Variants in MSL3 observed in about 807,000 individuals in gnomAD.
MSL3 encodes the protein MSL complex subunit 3, also known as MSL3-like 1.
In MSL3, 5 loss-of-function variants were observed where a neutral mutation model predicts 37.2. The ratio of observed to expected loss-of-function variants is 0.13; its 90% confidence interval spans 0.07 to 0.28. The LOEUF is 0.28. Ranked by LOEUF, MSL3 falls within the 10% of genes least tolerant of loss-of-function variation. The pLI is 1.00. For synonymous variants in MSL3, 149 were observed against 147.6 expected (o/e 1.01, Z -0.07); for missense variants, 315 against 408.5 (o/e 0.77, Z 1.97).
At chrX:11,772,107 A>G (rs1215541674) in intron 10 of MSL3, 49 bp from the exon 11 acceptor site, 1 of 896,625 alleles carries the variant, frequency 1.1e-6, no homozygotes, top group African/African-American at 2.0e-5. Context: ...GGTGGTTGGA[A>G]GTGTCTCCAT....
rs1355885560 is a variant in MSL3, at chrX:11,768,649, C to T, written c.1248C>T (p.Gly416=). The T allele has an allele frequency of 1.7e-6, 2 of 1,200,074 alleles. No homozygotes were observed. The highest frequency in any genetic ancestry group is 5.9e-5 in the East Asian group (2 of 33,808). The change falls in exon 10 of 13, where the codon GGC becomes GGT. Residue 416 remains glycine, a synonymous_variant. Transcript: ENST00000312196. ...AGGAAGGGAGTGCTGTGTTTGCTGG[C>T]TTTGAAGGGAGAAGAACTAATGAAA... is the stretch of plus-strand genomic sequence containing the variant. ...PSKEGSAVFA[G]FEGRRTNEIN...
chrX:11,762,403 C>T (rs1165742394), intron 6 of MSL3, 151 bp downstream of exon 6: 1 of 491,403 alleles, frequency 2.0e-6, no homozygotes, highest in African/African-American at 2.5e-5. Context: ...AGTTCTCTGC[C>T]AGTGGTGCTG....
rs2147243255 is a variant in MSL3, at chrX:11,760,997, G to A, written c.382+60G>A. 3 of 844,536 alleles carry A rather than the reference G, an allele frequency of 3.6e-6. No individual in the cohort carries two copies. The East Asian group carries it at 1.0e-4, about 29-fold the overall frequency. The allele number at this position is 844,536 out of a possible 1,213,427, so 69.6% of individuals were successfully genotyped here. A position where few individuals can be genotyped will look rare whatever the true frequency, so the allele number is the denominator to read the frequency against. On this transcript the variant is annotated intron_variant, in intron 4 of 12. Coordinates refer to ENST00000312196, the MANE Select transcript of MSL3 (RefSeq NM_078629.4). ...GAACTTCCACCTAGACTGAGAGAAGGATTCACTGAAATTCTAGACAGGGAA... is the reference window on the plus strand; with the variant it reads ...GAACTTCCACCTAGACTGAGAGAAGAATTCACTGAAATTCTAGACAGGGAA...
At chrX:11,758,915 C>T (rs2053100078) in intron 1 of MSL3, 1 of 539,167 alleles carries the variant, frequency 1.9e-6, no homozygotes, top group East Asian at 3.8e-5. Flanking sequence ...TTTCGTACCC[C>T]AGGGCCTTGC....
In MSL3 at chrX:11,772,635, A is replaced by G. The variant is rs2053241455; in HGVS notation, c.1396A>G (p.Ile466Val). The G allele has an allele frequency of 4.2e-6, 5 of 1,191,614 alleles. No individual in the cohort carries two copies. Among genetic ancestry groups the G allele is most frequent in the Non-Finnish European group, 5.7e-6 (5 of 880,650 alleles). Residue 466 changes from isoleucine to valine, a missense_variant, in exon 12 of 13, where the codon ATC (isoleucine) becomes GTC (valine). By Grantham distance (29) the Ile-to-Val change is conservative (BLOSUM62 3). Transcript: ENST00000312196. ...TTTTAATGCAGTGAAACTTCCAGAA[A>G]TCCTTGGAAAGATGTCCTTTTCTGA... The part of the protein sequence containing the change: ...LLRLFVKLPE[I>V]LGKMSFSEKN...
At position 11,768,195 on chromosome X, in the gene MSL3, C is replaced by T. The variant is rs188581648; in HGVS notation, c.1172-378C>T. On this transcript the variant is annotated intron_variant, in intron 9 of 12. Coordinates refer to ENST00000312196, the MANE Select transcript of MSL3 (RefSeq NM_078629.4). ...TTTCAGCACCCCCCCACGAGAAACC[C>T]CATACCCAGTAGCAATCACTCCCCA... The T allele has an allele frequency of 3.6e-3, 479 of 133,828 alleles. 3 individuals carry two copies. Among genetic ancestry groups the T allele is most frequent in the African/African-American group, 0.015 (461 of 30,976 alleles). The allele number at this position is 133,828 out of a possible 1,213,427, so 11.0% of individuals were successfully genotyped here. A position where few individuals can be genotyped will look rare whatever the true frequency, so the allele number is the denominator to read the frequency against.
chrX:11,758,399 G>A, intron 1 of MSL3, 34 bp downstream of exon 1: 2 of 1,029,614 alleles, frequency 1.9e-6, no homozygotes, highest in South Asian at 2.7e-5. Context: ...GGAGGCGCGG[G>A]CTGGGGGACC....
chrX:11,769,035 C>T (rs2053210180), intron 10 of MSL3: 1 of 135,411 alleles, frequency 7.4e-6, no homozygotes, highest in African/African-American at 3.2e-5. Flanking sequence ...CCAAAAGTAG[C>T]CACAGATAGT....
rs749478735 is a variant in MSL3, at chrX:11,772,164, C to A, written c.1290C>A (p.Ser430=). ...RRTNEINEVL[S]WKLVPDNYPP... ...ATTCGTGCTTTTTCCAGGTCCTCTCCTGGAAGCTTGTGCCTGACAATTACC... is the reference window on the plus strand; with the variant it reads ...ATTCGTGCTTTTTCCAGGTCCTCTCATGGAAGCTTGTGCCTGACAATTACC... The change falls in exon 11 of 13, where the codon TCC becomes TCA. Residue 430 remains serine, a synonymous_variant. Coordinates refer to ENST00000312196, the MANE Select transcript of MSL3 (RefSeq NM_078629.4). The A allele has an allele frequency of 1.9e-5, 23 of 1,207,554 alleles. No individual in the cohort carries two copies. The Admixed American group carries it at 5.0e-4, about 26-fold the overall frequency.
In MSL3 at chrX:11,775,259, G is replaced by T. The variant is rs921967121; in HGVS notation, c.*180G>T. 7 of 400,701 alleles carry T rather than the reference G, an allele frequency of 1.7e-5. No homozygotes were observed. Among genetic ancestry groups the T allele is most frequent in the Non-Finnish European group, 3.0e-5 (7 of 230,060 alleles). 33.0% of individuals were successfully genotyped at this position (400,701 alleles called of 1,213,427 possible). On this transcript the variant is annotated 3_prime_UTR_variant, in exon 13 of 13. Transcript: ENST00000312196. ...TTCTGTTAGGAATGATTCCCTGGGT[G>T]CCTGAAAGTGCTCTGACACGACACT...
chrX:11,768,932 C>CT (rs947676895), intron 10 of MSL3: 14 of 298,220 alleles, frequency 4.7e-5, no homozygotes, highest in African/African-American at 2.7e-4. Flanking sequence ...AGTATTTTTA[C>CT]TTTATAGAAC....
At chrX:11,760,035 A>G (rs998722100) in intron 2 of MSL3, 160 bp downstream of exon 2, 2 of 579,388 alleles carry the variant, frequency 3.5e-6, no homozygotes, top group Admixed American at 8.8e-5. Context: ...ACACTTGTAG[A>G]GAAGTTTGTT....
intron 6 of MSL3, 35 bp downstream of exon 6, chrX:11,762,287 T>G (rs370859515): frequency 9.0e-7 from 1 of 1,111,179 alleles, no homozygotes; most frequent in African/African-American, 1.9e-5. Context: ...ATTAATTTGT[T>G]TGGCATTTTC....
intron 12 of MSL3, among the ~76,000 whole-genome samples, 179 bp downstream of exon 12, chrX:11,772,884 T>C (rs1435561170): frequency 1.8e-5 from 2 of 111,623 alleles, no homozygotes; most frequent in African/African-American, 6.5e-5. Flanking sequence ...GTATTTCTTT[T>C]TTCCATAATT....
intron 10 of MSL3, among the ~76,000 whole-genome samples, chrX:11,769,542 C>CT (rs2053213888): frequency 8.9e-6 from 1 of 112,347 alleles, no homozygotes; most frequent in South Asian, 3.7e-4. Context: ...GAGATTTCCT[C>CT]TTTTTTTAAG....
chrX:11,774,301 G>A (rs941775372), intron 12 of MSL3, among the ~76,000 whole-genome samples: 1 of 111,710 alleles, frequency 9.0e-6, no homozygotes, highest in Non-Finnish European at 1.9e-5. Flanking sequence ...GTTTATAATC[G>A]TTTTTTATTT....
intron 7 of MSL3, among the ~76,000 whole-genome samples, chrX:11,763,513 C>G (rs1033215361): frequency 1.8e-5 from 2 of 112,735 alleles, no homozygotes; most frequent in East Asian, 5.5e-4. Flanking sequence ...TTTTGCAGCA[C>G]AGGCTGCTGG....
Position 11,761,310 on chromosome X carries a change from A to C in MSL3, c.383-190A>C, listed in dbSNP as rs910374040. ...GATCATTAGCTAGTGTGATTTTTGC[A>C]TCCATTGAAATTGGTTGTCAAAATA... On this transcript the variant is annotated intron_variant, in intron 4 of 12. Transcript: ENST00000312196. Among the ~76,000 whole-genome samples the C allele has an allele frequency of 5.3e-5, 6 of 112,787 alleles. No individual in the cohort carries two copies. In the East Asian group the frequency reaches 1.7e-3, roughly 31 times the overall value.
intron 8 of MSL3, chrX:11,764,227 A>G (rs2053159714): frequency 4.7e-6 from 1 of 214,797 alleles, no homozygotes; most frequent in East Asian, 9.1e-5. Context: ...TGGGGTGAAG[A>G]GAGCACAGGC....
Sources: allele counts gnomAD v4.1 joint callset (sites outside exome capture counted in the v4.1 genomes callset), GRCh38; gene constraint gnomAD v4.1.1; transcripts MANE v1.5; gene names NCBI Gene and HGNC (gene_info 2026-07-23, HGNC 2026-07-21).